Variants in MUC13 observed in about 807,000 individuals in gnomAD.
MUC13 encodes mucin 13, cell surface associated, also known as mucin-13.
In MUC13, 32 loss-of-function variants were observed where a neutral mutation model predicts 48.3. The observed-to-expected ratio is 0.66, with a 90% confidence interval of 0.50 to 0.89. The LOEUF is 0.89. Ranked by LOEUF, MUC13 falls within the 40% of genes least tolerant of loss-of-function variation. The pLI is 0.00. For missense variants in MUC13, 571 were observed against 622.8 expected, an observed-to-expected ratio of 0.92 and a Z score of 0.88; for synonymous variants, 199 against 224.9, an observed-to-expected ratio of 0.88 and a Z score of 1.03.
At chr3:124,912,049 T>C in intron 9 of MUC13, 55 bp downstream of exon 9, 3 of 1,592,216 alleles carry the variant, frequency 1.9e-6, no homozygotes, top group African/African-American at 1.3e-5. Context: ...GGGGTCACTA[T>C]TGATTTCTCA....
intron 1 of MUC13, 83 bp from the exon 2 acceptor site, chr3:124,928,076 C>G: frequency 1.1e-6 from 1 of 909,966 alleles, no homozygotes; most frequent in South Asian, 2.0e-5. Flanking sequence ...TCATATCCAA[C>G]TCATTCTTTT....
intron 1 of MUC13, among the ~76,000 whole-genome samples, chr3:124,928,758 G>A (rs977941088): frequency 1.3e-5 from 2 of 152,148 alleles, no homozygotes; most frequent in African/African-American, 4.8e-5. Context: ...GTAGATCAGG[G>A]TTTAATATAC....
chr3:124,924,032 T>C (rs1935648791), intron 2 of MUC13, among the ~76,000 whole-genome samples: 1 of 152,142 alleles, frequency 6.6e-6, no homozygotes, highest in Non-Finnish European at 1.5e-5. Context: ...ACATTCTAGA[T>C]AAAACATCTT....
At chr3:124,934,181 C>A (rs547450998) in intron 1 of MUC13, among the ~76,000 whole-genome samples, 2 of 152,120 alleles carry the variant, frequency 1.3e-5, no homozygotes, top group African/African-American at 4.8e-5. Context: ...TTCTTCCCCC[C>A]ACCCCTACAA....
chr3:124,927,940 T>C lies in MUC13; in HGVS notation c.106A>G (p.Ser36Gly), dbSNP rs1935725888. The C allele has an allele frequency of 6.3e-7, 1 of 1,587,984 alleles. No homozygotes were observed. Among genetic ancestry groups the C allele is most frequent in the Admixed American group, 1.7e-5 (1 of 58,128 alleles). Residue 36 changes from serine to glycine, a missense_variant, in exon 2 of 12, where the codon AGT (serine) becomes GGT (glycine). Ser to Gly is a moderately conservative substitution (Grantham distance 56). Transcript: ENST00000616727. The stretch of plus-strand genomic sequence containing the variant: ...TCAGCTGCAGCTACTGTAGGACCAC[T>C]AGTCGCAGTTTCTGTGGTTGTTACA... ...DAVTTTETAT[S>G]GPTVAAADTT...
Position 124,909,629 on chromosome 3 carries a change from A to T in MUC13, c.1337+786T>A, listed in dbSNP as rs530629569. Among the ~76,000 whole-genome samples, 10 of 151,968 alleles carry T rather than the reference A, an allele frequency of 6.6e-5. No homozygotes were observed. In the East Asian group the frequency reaches 1.9e-3, roughly 30 times the overall value. On this transcript the variant is annotated intron_variant, in intron 10 of 11. Coordinates refer to ENST00000616727, the MANE Select transcript of MUC13 (RefSeq NM_033049.4). ...GGAATTCTCCTGCCTCAGCCTCCTG[A>T]GTAGCAGGATTACAGGGGTGCCACC...
chr3:124,922,859 T>C (rs1477820638), intron 3 of MUC13, among the ~76,000 whole-genome samples: 1 of 152,056 alleles, frequency 6.6e-6, no homozygotes, highest in Non-Finnish European at 1.5e-5. Flanking sequence ...TTGGACTTAG[T>C]GCTTTTAATT....
chr3:124,921,441 A>T (rs911309033), intron 4 of MUC13, among the ~76,000 whole-genome samples: 1 of 152,158 alleles, frequency 6.6e-6, no homozygotes, highest in Non-Finnish European at 1.5e-5. Flanking sequence ...ATGAGCCACC[A>T]TGCCCAGCCT....
In MUC13 at chr3:124,916,400, G is replaced by C; in HGVS notation, c.881C>G (p.Thr294Ser). 1.2e-6 allele frequency: 2 copies of C among 1,613,692 alleles called. No homozygotes were observed. The highest frequency in any genetic ancestry group is 1.7e-6 in the Non-Finnish European group (2 of 1,179,890). The change falls in exon 6 of 12, where the codon ACC becomes AGC. Residue 294 changes from threonine to serine, a missense_variant. By Grantham distance (58) the Thr-to-Ser change is moderately conservative. Coordinates refer to ENST00000616727, the MANE Select transcript of MUC13 (RefSeq NM_033049.4). ...CACAGTCTTCTCATTGTCACTTGTGGTTTCTGCCAAAATTGTTACTATTGT... is the reference window on the plus strand; with the variant it reads ...CACAGTCTTCTCATTGTCACTTGTGCTTTCTGCCAAAATTGTTACTATTGT... ...NVTIVTILAETTSDNEKTVTE... is the reference protein window; with the variant it reads ...NVTIVTILAESTSDNEKTVTE...
rs553454796 is a variant in MUC13 at position 124,931,212 on chromosome 3, C to T, written c.53-3219G>A. ...CTTCGGGAGGCTGAGGTGGGTGGAT[C>T]ATGAGATCAAGAGATTGTGACCATC... On this transcript the variant is annotated intron_variant, in intron 1 of 11. Coordinates refer to ENST00000616727, the MANE Select transcript of MUC13 (RefSeq NM_033049.4). Among the ~76,000 whole-genome samples the T allele has an allele frequency of 6.6e-5, 10 of 150,992 alleles. No individual in the cohort carries two copies. In the South Asian group the frequency reaches 2.1e-3, roughly 32 times the overall value.
chr3:124,934,540 A>G (rs2107675645), intron 1 of MUC13, 121 bp downstream of exon 1: 1 of 702,672 alleles, frequency 1.4e-6, no homozygotes, highest in Admixed American at 2.0e-5. Context: ...TGGAGAGGAA[A>G]CTTCATTTAT....
intron 2 of MUC13, 60 bp from the exon 3 acceptor site, chr3:124,923,709 A>G: frequency 6.4e-7 from 1 of 1,573,508 alleles, no homozygotes; most frequent in Non-Finnish European, 8.7e-7. Context: ...AACAACTGGA[A>G]ACGTATTTTT....
chr3:124,926,036 A>G (rs1161484082), intron 2 of MUC13, among the ~76,000 whole-genome samples: 1 of 152,244 alleles, frequency 6.6e-6, no homozygotes, highest in Admixed American at 6.5e-5. Flanking sequence ...CCAGTCTTCT[A>G]AATAAAATTA....
At chr3:124,930,965 G>A (rs1237044179) in intron 1 of MUC13, among the ~76,000 whole-genome samples, 2 of 152,154 alleles carry the variant, frequency 1.3e-5, no homozygotes, top group Non-Finnish European at 2.9e-5. Context: ...TTGTGCGGGG[G>A]TTCTTGCAGT....
intron 1 of MUC13, among the ~76,000 whole-genome samples, chr3:124,931,612 G>A (rs1935799434): frequency 6.6e-6 from 1 of 151,882 alleles, no homozygotes; most frequent in Non-Finnish European, 1.5e-5. Flanking sequence ...GCTGGGCGTG[G>A]TGGCAGGCAC....
Position 124,922,540 on chromosome 3 carries a change from AT to A in MUC13, c.638-238del, listed in dbSNP as rs968988193. ...TGTTGTAATTCCAAGTTTATGCCAT[AT>A]TTTTTTTCTTCTTATTATATAATAG... is the stretch of plus-strand genomic sequence containing the variant. On this transcript the variant is annotated intron_variant, in intron 3 of 11. Coordinates refer to ENST00000616727, the MANE Select transcript of MUC13 (RefSeq NM_033049.4). 2.3e-4 allele frequency among the ~76,000 whole-genome samples: 26 copies of A among 114,518 alleles called. 1 individual carries two copies. Among genetic ancestry groups the A allele is most frequent in the South Asian group, 1.0e-3 (4 of 3,838 alleles). 75.1% of individuals were successfully genotyped at this position (114,518 alleles called of 152,430 possible). A position where few individuals can be genotyped will look rare whatever the true frequency, so the allele number is the denominator to read the frequency against.
intron 1 of MUC13, among the ~76,000 whole-genome samples, chr3:124,933,315 A>AC (rs1383666316): frequency 6.6e-6 from 1 of 152,178 alleles, no homozygotes; most frequent in South Asian, 2.1e-4. Context: ...AAAATATTTC[A>AC]CCCCCAAATA....
intron 9 of MUC13, among the ~76,000 whole-genome samples, chr3:124,911,736 A>C (rs1935423073): frequency 1.3e-5 from 2 of 152,206 alleles, no homozygotes; most frequent in South Asian, 4.1e-4. Context: ...CTGCTCTTCT[A>C]TAACCACCAG....
chr3:124,924,513 A>G (rs1935656704), intron 2 of MUC13, among the ~76,000 whole-genome samples: 1 of 152,222 alleles, frequency 6.6e-6, no homozygotes, highest in African/African-American at 2.4e-5. Context: ...TTACAAACCT[A>G]TATGTAGAAA....
Sources: allele counts gnomAD v4.1 joint callset (sites outside exome capture counted in the v4.1 genomes callset), GRCh38; gene constraint gnomAD v4.1.1; transcripts MANE v1.5; gene names NCBI Gene and HGNC (gene_info 2026-07-23, HGNC 2026-07-21).